PEAK1: variants seen among roughly 807,000 people sequenced by gnomAD.
The protein encoded by PEAK1 is inactive tyrosine-protein kinase PEAK1.
A neutral mutation model predicts 124.7 loss-of-function variants in PEAK1; 54 were observed. The observed-to-expected ratio is 0.43, with a 90% CI of 0.35 to 0.54. PEAK1 has a LOEUF of 0.54. PEAK1 is among the 20% of genes least tolerant of loss of function. The pLI is 0.01. For missense variants in PEAK1, 2,046 were observed against 2,134.5 expected, an observed-to-expected ratio of 0.96 and a Z score of 0.82; for synonymous variants, 719 against 760.0, an observed-to-expected ratio of 0.95 and a Z score of 0.89.
rs192105308 is a variant in PEAK1, at chr15:77,202,932, T to G, written c.-114-20892A>C. Among the ~76,000 whole-genome samples, 4 of 150,010 alleles carry G rather than the reference T, an allele frequency of 2.7e-5. No individual in the cohort carries two copies. The East Asian group carries it at 7.8e-4, about 29-fold the overall frequency. On this transcript the variant is annotated intron_variant, in intron 6 of 9. Transcript: ENST00000682557. ...CGCACCTGTAGTCCCAGCTACTTGG[T>G]AGGCTGAGGTGGGAGGATGGCTTAA... is the stretch of plus-strand genomic sequence containing the variant.
chr15:77,209,145 A>G (rs952940003), intron 6 of PEAK1, among the ~76,000 whole-genome samples: 8 of 152,222 alleles, frequency 5.3e-5, no homozygotes, highest in African/African-American at 2.4e-5. Flanking sequence ...CAGATCTAAA[A>G]AAGTCTAGTC....
intron 2 of PEAK1, among the ~76,000 whole-genome samples, chr15:77,288,786 G>A (rs181509755): frequency 8.0e-4 from 121 of 152,164 alleles, no homozygotes; most frequent in African/African-American, 2.6e-3. Context: ...AAAATTAGCC[G>A]GGTGTGGTGG....
At chr15:77,139,329 A>C (rs1050436688) in intron 8 of PEAK1, among the ~76,000 whole-genome samples, 3 of 152,222 alleles carry the variant, frequency 2.0e-5, no homozygotes, top group African/African-American at 7.2e-5. Flanking sequence ...TTAAAAAATA[A>C]GTAGGAGTAC....
chr15:77,202,607 A>T (rs1196150680), intron 6 of PEAK1, among the ~76,000 whole-genome samples: 4 of 151,882 alleles, frequency 2.6e-5, no homozygotes, highest in Non-Finnish European at 5.9e-5. Context: ...TCTACTAAAA[A>T]AAATAAAAAA....
intron 2 of PEAK1, among the ~76,000 whole-genome samples, chr15:77,320,790 C>G (rs1035314015): frequency 6.6e-6 from 1 of 152,054 alleles, no homozygotes; most frequent in Non-Finnish European, 1.5e-5. Context: ...AGGTACATCT[C>G]CTAATGCTAT....
intron 1 of PEAK1, among the ~76,000 whole-genome samples, chr15:77,407,791 C>A (rs571981860): frequency 1.7e-4 from 26 of 151,902 alleles, no homozygotes; most frequent in Admixed American, 5.2e-4. Context: ...ATCATATGAA[C>A]AAGACATTTG....
intron 6 of PEAK1, among the ~76,000 whole-genome samples, chr15:77,182,263 A>G (rs559527280): frequency 2.6e-5 from 4 of 152,262 alleles, no homozygotes; most frequent in South Asian, 2.1e-4. Flanking sequence ...CTATCCATAC[A>G]TAATCTTCAG....
intron 2 of PEAK1, chr15:77,347,263 G>A: frequency 1.0e-6 from 1 of 984,742 alleles, no homozygotes. Flanking sequence ...ATAAAACTAT[G>A]ACCCACGAAC....
intron 7 of PEAK1, among the ~76,000 whole-genome samples, chr15:77,167,362 T>C (rs1250992414): frequency 6.6e-6 from 1 of 152,212 alleles, no homozygotes; most frequent in Non-Finnish European, 1.5e-5. Flanking sequence ...GTCTGAAGAC[T>C]ACCCCATTCT....
chr15:77,405,576 T>C (rs1226073446), intron 1 of PEAK1, among the ~76,000 whole-genome samples: 3 of 152,170 alleles, frequency 2.0e-5, no homozygotes, highest in African/African-American at 4.8e-5. Flanking sequence ...AGGGAAATCG[T>C]TGCATATAGC....
intron 9 of PEAK1, among the ~76,000 whole-genome samples, chr15:77,127,820 C>T (rs2052513986): frequency 6.6e-6 from 1 of 152,180 alleles, no homozygotes; most frequent in Admixed American, 6.5e-5. Flanking sequence ...TGGCTCATGC[C>T]TGTAATCCCA....
chr15:77,202,080 CT>C (rs1424631021), intron 6 of PEAK1, among the ~76,000 whole-genome samples: 1 of 152,170 alleles, frequency 6.6e-6, no homozygotes, highest in Admixed American at 6.5e-5. Flanking sequence ...TGCCTGTAAT[CT>C]AAGACTGGGT....
chr15:77,377,031 T>C (rs2069081101), intron 1 of PEAK1, among the ~76,000 whole-genome samples: 1 of 152,164 alleles, frequency 6.6e-6, no homozygotes, highest in African/African-American at 2.4e-5. Flanking sequence ...ACTACAAACC[T>C]GTACAGCATG....
At chr15:77,134,463 T>G (rs972378236) in intron 8 of PEAK1, among the ~76,000 whole-genome samples, 1 of 152,358 alleles carries the variant, frequency 6.6e-6, no homozygotes, top group South Asian at 2.1e-4. Context: ...CAAACTCTTA[T>G]GTGATTCTCT....
At chr15:77,398,091 T>C (rs996992554) in intron 1 of PEAK1, among the ~76,000 whole-genome samples, 3 of 151,860 alleles carry the variant, frequency 2.0e-5, no homozygotes, top group Admixed American at 2.0e-4. Flanking sequence ...ATAAAATAAA[T>C]AATGAGATCA....
At chr15:77,279,422 A>G (rs575644103) in intron 5 of PEAK1, among the ~76,000 whole-genome samples, 33 of 152,226 alleles carry the variant, frequency 2.2e-4, no homozygotes, top group South Asian at 2.1e-3. Context: ...TAACCCAGAC[A>G]TCTGCTGGGA....
At chr15:77,344,027 TG>T (rs1477189514) in intron 2 of PEAK1, among the ~76,000 whole-genome samples, 2 of 152,200 alleles carry the variant, frequency 1.3e-5, no homozygotes, top group Admixed American at 6.5e-5. Flanking sequence ...CTTTCCTCAT[TG>T]AATGGTCTCG....
At chr15:77,415,693 T>C (rs550519095) in intron 1 of PEAK1, among the ~76,000 whole-genome samples, 45 of 152,318 alleles carry the variant, frequency 3.0e-4, no homozygotes, top group Non-Finnish European at 5.6e-4. Context: ...TACATTGCCA[T>C]CCATCTCCTT....
chr15:77,126,357 T>C (rs1473032978), intron 9 of PEAK1, among the ~76,000 whole-genome samples: 1 of 152,220 alleles, frequency 6.6e-6, no homozygotes, highest in Admixed American at 6.5e-5. Context: ...GGTACCTAGT[T>C]TGTTTCCAAT....
Sources: allele counts gnomAD v4.1 joint callset (sites outside exome capture counted in the v4.1 genomes callset), GRCh38; gene constraint gnomAD v4.1.1; transcripts MANE v1.5; gene names NCBI Gene and HGNC (gene_info 2026-07-23, HGNC 2026-07-21).